ADGRL2: variants seen among roughly 807,000 people sequenced by gnomAD.
ADGRL2 encodes adhesion G protein-coupled receptor L2, also known as calcium-independent alpha-latrotoxin receptor 2.
Under a neutral mutation model 157.4 loss-of-function variants are expected in ADGRL2, and 44 were observed. The ratio of observed to expected loss-of-function variants is 0.28; its 90% CI spans 0.22 to 0.36. ADGRL2 has a LOEUF of 0.36. Among genes scored for constraint, ADGRL2 ranks in the 10% least tolerant of loss-of-function variants. The pLI is 1.00. For synonymous variants in ADGRL2, 585 were observed against 624.7 expected, an observed-to-expected ratio of 0.94 and a Z score of 0.95; for missense variants, 1,510 against 1,768.9, an observed-to-expected ratio of 0.85 and a Z score of 2.63.
chr1:81,474,018 G>A (rs2101882778), intron 2 of ADGRL2, among the ~76,000 whole-genome samples: 1 of 152,336 alleles, frequency 6.6e-6, no homozygotes, highest in African/African-American at 2.4e-5. Context: ...TTAATGAGGA[G>A]AAGAAGAGGG....
At chr1:81,478,097 A>G (rs1188230622) in intron 2 of ADGRL2, among the ~76,000 whole-genome samples, 2 of 150,566 alleles carry the variant, frequency 1.3e-5, no homozygotes, top group African/African-American at 4.8e-5. Context: ...AAAAAAAAAT[A>G]CTGCTTTCAG....
At chr1:81,677,881 T>C (rs981750863) in intron 3 of ADGRL2, among the ~76,000 whole-genome samples, 3 of 152,176 alleles carry the variant, frequency 2.0e-5, no homozygotes, top group Non-Finnish European at 2.9e-5. Context: ...GCAAGGGACT[T>C]CATCACTAAG....
chr1:81,319,117 T>C (rs1041789155), intron 1 of ADGRL2, among the ~76,000 whole-genome samples: 1 of 151,200 alleles, frequency 6.6e-6, no homozygotes, highest in Non-Finnish European at 1.5e-5. Flanking sequence ...ATTTTGTATT[T>C]TTTTTTTTTA....
intron 1 of ADGRL2, among the ~76,000 whole-genome samples, 67 bp downstream of exon 1, chr1:81,801,135 G>T (rs2088024289): frequency 1.3e-5 from 2 of 152,094 alleles, no homozygotes; most frequent in Non-Finnish European, 2.9e-5. Context: ...TGCTCAAATG[G>T]AGTGGAAAAC....
At chr1:81,640,817 G>T (rs1398026652) in intron 3 of ADGRL2, among the ~76,000 whole-genome samples, 1 of 152,080 alleles carries the variant, frequency 6.6e-6, no homozygotes, top group East Asian at 1.9e-4. Context: ...GAACTAGAGA[G>T]CACAGCCGAT....
chr1:81,696,580 G>A (rs1214084722), upstream of ADGRL2, among the ~76,000 whole-genome samples: 1 of 151,928 alleles, frequency 6.6e-6, no homozygotes, highest in Non-Finnish European at 1.5e-5. Context: ...GTGAAACCCC[G>A]TCGCTACTAA....
intron 3 of ADGRL2, among the ~76,000 whole-genome samples, chr1:81,659,676 T>C (rs2082613214): frequency 6.6e-6 from 1 of 152,228 alleles, no homozygotes; most frequent in African/African-American, 2.4e-5. Flanking sequence ...ATTTCATGAT[T>C]GGTTAATGAC....
intron 3 of ADGRL2, among the ~76,000 whole-genome samples, chr1:81,584,636 T>C (rs1217571934): frequency 6.6e-6 from 1 of 152,170 alleles, no homozygotes; most frequent in Non-Finnish European, 1.5e-5. Context: ...GCGCTTTTCT[T>C]TAAAAGTGAT....
intron 1 of ADGRL2, among the ~76,000 whole-genome samples, chr1:81,384,045 C>G (rs1436303350): frequency 6.6e-6 from 1 of 151,768 alleles, no homozygotes; most frequent in East Asian, 1.9e-4. Context: ...TCTATCCAAA[C>G]TAGAAAAGGC....
intron 3 of ADGRL2, among the ~76,000 whole-genome samples, chr1:81,620,259 A>G (rs1392371919): frequency 6.6e-6 from 1 of 150,576 alleles, no homozygotes; most frequent in Non-Finnish European, 1.5e-5. Context: ...ACATTTTTCA[A>G]TTTCACATGC....
At chr1:81,310,001 T>C (rs1483622065) in intron 1 of ADGRL2, among the ~76,000 whole-genome samples, 1 of 152,160 alleles carries the variant, frequency 6.6e-6, no homozygotes, top group Non-Finnish European at 1.5e-5. Context: ...CTTTTTTCTG[T>C]CTTGTCATAC....
chr1:81,720,943 G>A (rs551606014), intron 1 of ADGRL2, among the ~76,000 whole-genome samples: 10 of 149,766 alleles, frequency 6.7e-5, no homozygotes, highest in East Asian at 3.9e-4. Context: ...ATATTCATGG[G>A]TTCTAAGGGG....
chr1:81,372,651 G>A lies in ADGRL2; in HGVS notation c.-302+66142G>A, dbSNP rs74703592. Among the ~76,000 whole-genome samples the A allele has an allele frequency of 1.4e-3, 215 of 152,254 alleles. 1 individual carries two copies. The highest frequency in any genetic ancestry group is 1.9e-3 in the Non-Finnish European group (126 of 68,028). ...TTACTCCATCTCATTCCAAAAACAT[G>A]TTAAAGTACGAATTTTCTGTTTGTT... On this transcript the variant is annotated intron_variant, in intron 1 of 24. Coordinates refer to the ADGRL2 transcript ENST00000370721.
chr1:81,310,286 A>AT (rs1174629838), intron 1 of ADGRL2, among the ~76,000 whole-genome samples: 1 of 152,154 alleles, frequency 6.6e-6, no homozygotes, highest in Non-Finnish European at 1.5e-5. Flanking sequence ...ATTTCTGTCT[A>AT]TTTGGGATAG....
rs139013280 is a variant in ADGRL2, at chr1:81,366,177, T to G, written c.-302+59668T>G. The stretch of plus-strand genomic sequence containing the variant: ...ATGAATTTCTGTTTCTCTACTAAAT[T>G]GTTTACTACAGTAATGTTTAAGAGT... On this transcript the variant is annotated intron_variant, in intron 1 of 24. Coordinates refer to the ADGRL2 transcript ENST00000370721. Among the ~76,000 whole-genome samples, 401 of 152,228 alleles carry G rather than the reference T, an allele frequency of 2.6e-3. 2 individuals are homozygous for G. The highest frequency in any genetic ancestry group is 9.2e-3 in the African/African-American group (384 of 41,548).
chr1:81,742,456 A>C (rs2085103867), intron 1 of ADGRL2, among the ~76,000 whole-genome samples: 1 of 152,066 alleles, frequency 6.6e-6, no homozygotes. Flanking sequence ...CATACTTTAG[A>C]CTACTCTGAT....
intron 2 of ADGRL2, among the ~76,000 whole-genome samples, chr1:81,872,812 A>G (rs2093734180): frequency 6.6e-6 from 1 of 152,056 alleles, no homozygotes; most frequent in Non-Finnish European, 1.5e-5. Context: ...TGATTTTCCT[A>G]TTGTGATGGT....
chr1:81,545,950 C>G (rs973287363), intron 2 of ADGRL2, among the ~76,000 whole-genome samples: 1 of 152,178 alleles, frequency 6.6e-6, no homozygotes, highest in African/African-American at 2.4e-5. Flanking sequence ...TGTCAGTGAG[C>G]CCGTGCTCTC....
intron 2 of ADGRL2, among the ~76,000 whole-genome samples, chr1:81,794,692 A>G (rs1231435421): frequency 6.6e-6 from 1 of 152,212 alleles, no homozygotes; most frequent in Non-Finnish European, 1.5e-5. Context: ...ACAAAAGCAT[A>G]TGCCTATTAC....
Sources: gnomAD v4.1 joint callset for allele counts (sites outside exome capture counted in the v4.1 genomes callset) on GRCh38, gnomAD v4.1.1 for gene constraint, MANE v1.5 for transcripts, NCBI Gene and HGNC (gene_info 2026-07-23, HGNC 2026-07-21) for gene names.